LPA: variants seen among roughly 807,000 people sequenced by gnomAD.
The protein encoded by LPA is lipoprotein(a), also known as apolipoprotein(a).
Under a neutral mutation model 197.9 loss-of-function variants are expected in LPA, and 199 were observed. The observed-to-expected ratio is 1.01, with a 90% CI of 0.90 to 1.13. LPA has a LOEUF of 1.13. Ranked by LOEUF, LPA falls within the 50% of genes most tolerant of loss-of-function variation. The pLI is 0.00. For synonymous variants in LPA, 715 were observed against 639.5 expected (o/e 1.12, Z -1.78); for missense variants, 1,853 against 1,785.8 (o/e 1.04, Z -0.68).
intron 2 of LPA, among the ~76,000 whole-genome samples, chr6:160,647,192 C>A (rs1348564053): frequency 6.6e-6 from 1 of 152,080 alleles, no homozygotes; most frequent in Non-Finnish European, 1.5e-5. Context: ...ACAGTGGGTC[C>A]CATGGCATAA....
At chr6:160,535,798 AAG>A (rs1208716468) in intron 37 of LPA, among the ~76,000 whole-genome samples, 2 of 152,132 alleles carry the variant, frequency 1.3e-5, no homozygotes, top group South Asian at 4.1e-4. Context: ...CGGAGGCTAA[AAG>A]AGATTAAATA....
intron 30 of LPA, among the ~76,000 whole-genome samples, chr6:160,550,050 G>A (rs149052263): frequency 0.023 from 3,448 of 152,210 alleles, 126 homozygotes; most frequent in African/African-American, 0.078. Flanking sequence ...GCAAAACCCC[G>A]TCTCTACTAA....
chr6:160,557,939 T>G (rs1320942668), intron 28 of LPA, among the ~76,000 whole-genome samples: 1 of 150,966 alleles, frequency 6.6e-6, no homozygotes, highest in Non-Finnish European at 1.5e-5. Flanking sequence ...TTTTTTTTTG[T>G]GACGGAGTCT....
intron 22 of LPA, among the ~76,000 whole-genome samples, chr6:160,593,650 T>C (rs909762935): frequency 6.6e-6 from 1 of 152,172 alleles, no homozygotes; most frequent in African/African-American, 2.4e-5. Context: ...AACTATTGCA[T>C]TGGTCTTTAG....
At chr6:160,549,271 C>G (rs1430752543) in intron 30 of LPA, among the ~76,000 whole-genome samples, 1 of 152,088 alleles carries the variant, frequency 6.6e-6, no homozygotes, top group Non-Finnish European at 1.5e-5. Context: ...ATAGCCAAAC[C>G]CTATCAATGC....
chr6:160,592,227 A>T (rs969260405), intron 22 of LPA, among the ~76,000 whole-genome samples: 25 of 147,214 alleles, frequency 1.7e-4, no homozygotes, highest in African/African-American at 5.6e-4. Flanking sequence ...CATTGTGTGT[A>T]TGTGTATTTG....
chr6:160,658,877 T>C (rs531725117), intron 1 of LPA, among the ~76,000 whole-genome samples: 1 of 123,496 alleles, frequency 8.1e-6, no homozygotes, highest in East Asian at 2.0e-4. Flanking sequence ...TAGGAGATTA[T>C]ATATATATAT....
Position 160,594,025 on chromosome 6 carries a change from T to C in LPA, c.3562A>G (p.Thr1188Ala). The C allele has an allele frequency of 2.5e-6, 4 of 1,614,006 alleles. No individual in the cohort carries two copies. The highest frequency in any genetic ancestry group is 3.4e-6 in the Non-Finnish European group (4 of 1,179,880). ...GTCATAGAGGACCAAGACTGACATG[T>C]CCTTCCTGTGACAGTGGTAGAGAAT... ...GSFSTTVTGR[T>A]CQSWSSMTPH... Residue 1188 changes from threonine (T) to alanine (A), a missense_variant, in exon 22 of 39, where the codon ACA becomes GCA. Around this residue, in one of 3 missense-constraint regions of LPA, gnomAD observed 1,737 missense variants for 1,504.4 expected, o/e 1.15. Coordinates refer to ENST00000316300, the MANE Select transcript of LPA (RefSeq NM_005577.4).
intron 30 of LPA, among the ~76,000 whole-genome samples, chr6:160,550,776 G>A (rs1430054506): frequency 6.6e-6 from 1 of 152,166 alleles, no homozygotes; most frequent in Non-Finnish European, 1.5e-5. Flanking sequence ...TACATCAATA[G>A]ACTCATACAT....
chr6:160,592,967 C>A lies in LPA; in HGVS notation c.3629+991G>T, dbSNP rs936115795. Among the ~76,000 whole-genome samples, 8 of 152,144 alleles carry A rather than the reference C, an allele frequency of 5.3e-5. No homozygotes were observed. The South Asian group carries it at 1.4e-3, about 28-fold the overall frequency. Reference sequence around the variant, plus strand: ...CTTGCAGTTGTTCTTTCCCCAGTAGCTTTTCTTTATTGTTCTTTCTTTGTG... The same window carrying A: ...CTTGCAGTTGTTCTTTCCCCAGTAGATTTTCTTTATTGTTCTTTCTTTGTG... On this transcript the variant is annotated intron_variant, in intron 22 of 38. Coordinates refer to ENST00000316300, the MANE Select transcript of LPA (RefSeq NM_005577.4).
chr6:160,580,660 CTAAGA>C (rs1459330020), intron 26 of LPA, among the ~76,000 whole-genome samples: 1 of 152,126 alleles, frequency 6.6e-6, no homozygotes, highest in Non-Finnish European at 1.5e-5. Context: ...TTTTTGATGG[CTAAGA>C]TGTTGTGCAC....
At chr6:160,610,447 T>C (rs1413270748) in intron 16 of LPA, among the ~76,000 whole-genome samples, 2 of 152,172 alleles carry the variant, frequency 1.3e-5, no homozygotes, top group Non-Finnish European at 2.9e-5. Context: ...CACTCTCTCA[T>C]CTAGCTGGTA....
chr6:160,609,484 T>C (rs1254204691), intron 16 of LPA, among the ~76,000 whole-genome samples: 2 of 152,170 alleles, frequency 1.3e-5, no homozygotes, highest in African/African-American at 4.8e-5. Context: ...CCTTGCCTTG[T>C]TACCTTTGAA....
intron 23 of LPA, 57 bp from the exon 24 acceptor site, chr6:160,589,769 G>GA (rs1411832574): frequency 3.8e-5 from 60 of 1,596,470 alleles, no homozygotes; most frequent in Admixed American, 5.0e-5. Context: ...AGAAGCATGA[G>GA]AAAAAAAATC....
chr6:160,597,580 C>T (rs186194000), intron 20 of LPA, among the ~76,000 whole-genome samples: 2 of 152,248 alleles, frequency 1.3e-5, no homozygotes, highest in East Asian at 3.9e-4. Context: ...ATTGGGAGAC[C>T]ATCCAGTGAA....
intron 7 of LPA, among the ~76,000 whole-genome samples, chr6:160,634,908 T>A (rs1376225833): frequency 6.7e-6 from 1 of 150,138 alleles, no homozygotes; most frequent in African/African-American, 2.5e-5. Flanking sequence ...CCTGGAAGGT[T>A]TGTGCCCATT....
intron 19 of LPA, 152 bp downstream of exon 19, chr6:160,600,765 C>A: frequency 1.1e-6 from 1 of 874,832 alleles, no homozygotes; most frequent in Non-Finnish European, 1.8e-6. Flanking sequence ...TCTGGCTCCC[C>A]CAGAGAGTGC....
intron 7 of LPA, among the ~76,000 whole-genome samples, chr6:160,634,911 T>C (rs1417884293): frequency 6.7e-6 from 1 of 150,230 alleles, no homozygotes; most frequent in Non-Finnish European, 1.5e-5. Context: ...GGAAGGTTTG[T>C]GCCCATTCTA....
At position 160,589,166 on chromosome 6, in the gene LPA, CA is replaced by C. The variant is rs1778974032; in HGVS notation, c.3947+386del. 1.3e-5 allele frequency among the ~76,000 whole-genome samples: 2 copies of C among 152,200 alleles called. 1 individual carries two copies. Among genetic ancestry groups the C allele is most frequent in the South Asian group, 4.1e-4 (2 of 4,830 alleles). On this transcript the variant is annotated intron_variant, in intron 24 of 38. Coordinates refer to ENST00000316300, the MANE Select transcript of LPA (RefSeq NM_005577.4). ...GATATCCTTCACTTGTTACCCAAGACAAACATGGCAAACACAACCTTCACTC... is the reference window on the plus strand; with the variant it reads ...GATATCCTTCACTTGTTACCCAAGACAACATGGCAAACACAACCTTCACTC...
Sources: gnomAD v4.1 joint callset for allele counts (sites outside exome capture counted in the v4.1 genomes callset) on GRCh38, gnomAD v4.1.1 for gene constraint, gnomAD v4.1.1 regional missense constraint, MANE v1.5 for transcripts, NCBI Gene and HGNC (gene_info 2026-07-23, HGNC 2026-07-21) for gene names.